The following XYLT1 variants were observed in gnomAD, a reference collection of about 807,000 sequenced individuals.
XYLT1 encodes xylosyltransferase 1.
A neutral mutation model predicts 91.3 loss-of-function variants in XYLT1; 36 were observed. The observed-to-expected ratio is 0.39, with a 90% CI of 0.30 to 0.52. XYLT1 has a LOEUF of 0.52. Ranked by LOEUF, XYLT1 falls within the 20% of genes least tolerant of loss-of-function variation. The pLI, the probability that XYLT1 is intolerant of heterozygous loss-of-function variation, is 0.68. For missense variants in XYLT1, 1,242 were observed against 1,284.5 expected (o/e 0.97, Z 0.51); for synonymous variants, 588 against 532.0 (o/e 1.11, Z -1.45).
intron 5 of XYLT1, among the ~76,000 whole-genome samples, chr16:17,172,473 T>TC (rs1232610410): frequency 2.8e-5 from 4 of 145,432 alleles, no homozygotes; most frequent in South Asian, 2.2e-4. Context: ...TTTCTTTTTT[T>TC]TTTTTTTTTT....
intron 1 of XYLT1, among the ~76,000 whole-genome samples, chr16:17,408,274 C>T (rs2049542496): frequency 1.3e-5 from 2 of 152,192 alleles, no homozygotes; most frequent in African/African-American, 4.8e-5. Flanking sequence ...AGTGCAGTGA[C>T]ATACGCTTGG....
chr16:17,133,262 A>C (rs1338739857), intron 9 of XYLT1, among the ~76,000 whole-genome samples: 1 of 152,048 alleles, frequency 6.6e-6, no homozygotes, highest in African/African-American at 2.4e-5. Flanking sequence ...GTTAGTGAAC[A>C]ATCTTCTTCC....
intron 9 of XYLT1, among the ~76,000 whole-genome samples, chr16:17,129,134 C>T (rs1190158521): frequency 2.0e-5 from 3 of 151,054 alleles, no homozygotes; most frequent in Admixed American, 6.6e-5. Context: ...GGGCATTCAC[C>T]GTTCATGCAA....
At chr16:17,358,130 CTTT>C (rs573822407) in intron 1 of XYLT1, 80 bp from the exon 2 acceptor site, 1,481 of 1,112,518 alleles carry the variant, frequency 1.3e-3, no homozygotes, top group East Asian at 2.1e-3. Context: ...TCTTTCTTTC[CTTT>C]TTTTTTTTTT....
chr16:17,400,537 C>G (rs2035949433), intron 1 of XYLT1, among the ~76,000 whole-genome samples: 1 of 146,334 alleles, frequency 6.8e-6, no homozygotes, highest in African/African-American at 2.5e-5. Flanking sequence ...TTACAGTGAG[C>G]TGAGATCATG....
At chr16:17,358,776 A>G (rs1270660987) in intron 1 of XYLT1, among the ~76,000 whole-genome samples, 2 of 152,216 alleles carry the variant, frequency 1.3e-5, no homozygotes, top group African/African-American at 4.8e-5. Context: ...TAAAGTCCTG[A>G]CTAGGAACAA....
chr16:17,127,511 C>T lies in XYLT1; in HGVS notation c.2223+155G>A, dbSNP rs13333741. On this transcript the variant is annotated intron_variant, in intron 10 of 11. Coordinates refer to ENST00000261381, the MANE Select transcript of XYLT1 (RefSeq NM_022166.4). ...AGATGCTGGTGCCAGTGACTGGGGC[C>T]GGAGAACCTTCTTCGGGCACAGGGT... Among the ~76,000 whole-genome samples, 887 of 152,262 alleles carry T rather than the reference C, an allele frequency of 5.8e-3. 4 individuals are homozygous for T. The highest frequency in any genetic ancestry group is 0.02 in the African/African-American group (817 of 41,554).
intron 3 of XYLT1, chr16:17,249,608 C>A (rs1489512980): frequency 6.6e-6 from 1 of 152,356 alleles, no homozygotes; most frequent in Non-Finnish European, 1.5e-5. Context: ...CACAATGAGA[C>A]CAAATCTATT....
At chr16:17,450,590 T>C (rs1339408958) in intron 1 of XYLT1, among the ~76,000 whole-genome samples, 2 of 151,896 alleles carry the variant, frequency 1.3e-5, no homozygotes, top group Non-Finnish European at 2.9e-5. Flanking sequence ...GGACCCAGAA[T>C]CCCTCAGACC....
intron 2 of XYLT1, among the ~76,000 whole-genome samples, chr16:17,269,346 C>T (rs1021153540): frequency 1.3e-5 from 2 of 151,554 alleles, no homozygotes; most frequent in African/African-American, 2.4e-5. Flanking sequence ...ACCACTATAC[C>T]CAGCTTTTTA....
intron 2 of XYLT1, among the ~76,000 whole-genome samples, chr16:17,278,780 G>A (rs1178035965): frequency 6.6e-6 from 1 of 152,172 alleles, no homozygotes. Context: ...ACATGACTCA[G>A]GCAAAGTCGC....
chr16:17,237,919 C>G (rs926718531), intron 3 of XYLT1, among the ~76,000 whole-genome samples: 2 of 152,242 alleles, frequency 1.3e-5, no homozygotes, highest in Admixed American at 1.3e-4. Context: ...GGCTCCAAAT[C>G]CCTCTGAAGG....
At chr16:17,162,450 G>A (rs374407667) in intron 5 of XYLT1, among the ~76,000 whole-genome samples, 2 of 150,186 alleles carry the variant, frequency 1.3e-5, no homozygotes, top group African/African-American at 2.4e-5. Context: ...CTCATTTTAC[G>A]GACGGGCAAC....
chr16:17,291,824 C>T (rs1464435241), intron 2 of XYLT1, among the ~76,000 whole-genome samples: 2 of 152,076 alleles, frequency 1.3e-5, no homozygotes, highest in Admixed American at 1.3e-4. Context: ...GTTCCACTGA[C>T]CAAAAATTAA....
intron 5 of XYLT1, among the ~76,000 whole-genome samples, chr16:17,163,628 G>A (rs528885223): frequency 2.2e-4 from 33 of 152,294 alleles, no homozygotes; most frequent in African/African-American, 7.5e-4. Flanking sequence ...AAAGTTATAC[G>A]CAGGATTTTG....
At chr16:17,454,903 T>TTCCCC (rs2036717751) in intron 1 of XYLT1, among the ~76,000 whole-genome samples, 3 of 36,970 alleles carry the variant, frequency 8.1e-5, no homozygotes, top group African/African-American at 3.7e-4. Flanking sequence ...CATTCTTTCC[T>TTCCCC]CCCCCCCCCG....
intron 1 of XYLT1, among the ~76,000 whole-genome samples, chr16:17,365,301 T>G (rs1596504950): frequency 6.6e-6 from 1 of 152,172 alleles, no homozygotes; most frequent in Non-Finnish European, 1.5e-5. Flanking sequence ...TAACGGGGCT[T>G]TCTCTTCAGA....
intron 1 of XYLT1, among the ~76,000 whole-genome samples, chr16:17,367,291 T>A (rs558465505): frequency 1.3e-5 from 2 of 152,216 alleles, no homozygotes; most frequent in Non-Finnish European, 2.9e-5. Flanking sequence ...TTACCCGACA[T>A]GGCCCAGACA....
rs1473148423 is a variant in XYLT1 at position 17,103,670 on chromosome 16, T to C, written c.*5025A>G. The stretch of plus-strand genomic sequence containing the variant: ...AGTTGGAGGAACATGAGGGATGGAG[T>C]AGATGACGTTAGGGAGGGGGATGAC... On this transcript the variant is annotated 3_prime_UTR_variant, in exon 12 of 12. Coordinates refer to ENST00000261381, the MANE Select transcript of XYLT1 (RefSeq NM_022166.4). 1 of 151,702 alleles carries C rather than the reference T, an allele frequency of 6.6e-6. No individual in the cohort carries two copies. The highest frequency in any genetic ancestry group is 6.6e-5 in the Admixed American group (1 of 15,200). 9.4% of individuals were successfully genotyped at this position (151,702 alleles called of 1,614,324 possible).
Sources: allele counts gnomAD v4.1 joint callset (sites outside exome capture counted in the v4.1 genomes callset), GRCh38; gene constraint gnomAD v4.1.1; transcripts MANE v1.5; gene names NCBI Gene and HGNC (gene_info 2026-07-23, HGNC 2026-07-21).